The following ADGRV1 variants were observed in gnomAD, a reference collection of about 807,000 sequenced individuals.
The protein encoded by ADGRV1 is G-protein coupled receptor 98.
In ADGRV1, 359 loss-of-function variants were observed where a neutral mutation model predicts 596.2. The observed-to-expected ratio is 0.60, with a 90% CI of 0.55 to 0.66. The LOEUF (loss-of-function observed/expected upper bound fraction) is 0.66. Ranked by LOEUF, ADGRV1 falls within the 30% of genes least tolerant of loss-of-function variation. The probability of loss-of-function intolerance (pLI) is 0.00; values close to 1 mark genes in which losing one functional copy is unlikely to be tolerated. For synonymous variants in ADGRV1, 2,681 were observed against 2,679.2 expected, an observed-to-expected ratio of 1.00 and a Z score of -0.02; for missense variants, 7,274 against 7,575.6, an observed-to-expected ratio of 0.96 and a Z score of 1.48.
At chr5:90,597,100 G>A (rs1760786523) in intron 1 of ADGRV1, among the ~76,000 whole-genome samples, 1 of 152,216 alleles carries the variant, frequency 6.6e-6, no homozygotes, top group South Asian at 2.1e-4. Flanking sequence ...TGAGGGACTG[G>A]TAGGACATTT....
At chr5:90,750,920 C>T (rs889895668) in intron 53 of ADGRV1, among the ~76,000 whole-genome samples, 1 of 152,112 alleles carries the variant, frequency 6.6e-6, no homozygotes, top group Non-Finnish European at 1.5e-5. Context: ...TTTAAAAAGT[C>T]ATTCTTTCTG....
At chr5:90,948,760 A>C (rs887896562) in intron 83 of ADGRV1, among the ~76,000 whole-genome samples, 1 of 152,180 alleles carries the variant, frequency 6.6e-6, no homozygotes, top group Non-Finnish European at 1.5e-5. Context: ...TCTATTTTAT[A>C]ATAAAGTGTT....
chr5:91,063,845 G>A (rs1787655251), intron 85 of ADGRV1, among the ~76,000 whole-genome samples: 1 of 147,584 alleles, frequency 6.8e-6, no homozygotes, highest in Admixed American at 7.2e-5. Flanking sequence ...CCATAGGGGA[G>A]CTGGTGGTGG....
intron 85 of ADGRV1, among the ~76,000 whole-genome samples, chr5:91,014,136 C>CCACACACACACACACACA (rs70973720): frequency 7.0e-4 from 25 of 35,698 alleles, no homozygotes; most frequent in African/African-American, 1.4e-3. Flanking sequence ...TTCACAATTG[C>CCACACACACACACACACA]CACACACACA....
intron 85 of ADGRV1, among the ~76,000 whole-genome samples, chr5:91,042,548 T>TA (rs1414546538): frequency 9.2e-5 from 14 of 152,132 alleles, no homozygotes; most frequent in Admixed American, 2.0e-4. Flanking sequence ...CTTTTTTTTT[T>TA]ATTATACTTT....
At position 91,108,485 on chromosome 5, in the gene ADGRV1, G is replaced by T. The variant is rs148075965; in HGVS notation, c.18432+6145G>T. Among the ~76,000 whole-genome samples the T allele has an allele frequency of 2.6e-5, 4 of 152,188 alleles. No homozygotes were observed. The East Asian group carries it at 7.7e-4, about 29-fold the overall frequency. On this transcript the variant is annotated intron_variant, in intron 87 of 89. Transcript: ENST00000405460. ...TCTAAAACTATGATTGAAAGGGATGGTATTTGTATAGTATTCTGATCATTT... is the reference window on the plus strand; with the variant it reads ...TCTAAAACTATGATTGAAAGGGATGTTATTTGTATAGTATTCTGATCATTT...
At chr5:90,836,973 T>C (rs1765021305) in intron 77 of ADGRV1, among the ~76,000 whole-genome samples, 1 of 152,232 alleles carries the variant, frequency 6.6e-6, no homozygotes, top group Non-Finnish European at 1.5e-5. Context: ...ATGGATCAAG[T>C]TGTTATTCTG....
chr5:90,751,737 G>A (rs1291694380), intron 53 of ADGRV1, among the ~76,000 whole-genome samples: 1 of 152,130 alleles, frequency 6.6e-6, no homozygotes, highest in East Asian at 1.9e-4. Flanking sequence ...TCAAAAAAAG[G>A]ACAGGTATAT....
At chr5:90,822,399 G>A (rs557798641) in intron 75 of ADGRV1, among the ~76,000 whole-genome samples, 2 of 152,172 alleles carry the variant, frequency 1.3e-5, no homozygotes, top group African/African-American at 4.8e-5. Context: ...GCTGGGAGCT[G>A]TAGACCGGAG....
At chr5:90,935,974 G>A (rs1479744113) in intron 83 of ADGRV1, among the ~76,000 whole-genome samples, 1 of 152,108 alleles carries the variant, frequency 6.6e-6, no homozygotes, top group Non-Finnish European at 1.5e-5. Flanking sequence ...GAGCAACATA[G>A]CGACCACCCC....
In ADGRV1 at chr5:90,724,603, T is replaced by C. The variant is rs766789917; in HGVS notation, c.9749-229T>C. 3.6e-4 allele frequency among the ~76,000 whole-genome samples: 55 copies of C among 152,200 alleles called. 2 individuals carry two copies. The highest frequency in any genetic ancestry group is 7.2e-4 in the Non-Finnish European group (49 of 68,030). Reference sequence around the variant, plus strand: ...TAAAGCAGAGCTTTAACAAATTTTCTTGGTTTTTAAATAATAATTTAAAAA... The same window carrying C: ...TAAAGCAGAGCTTTAACAAATTTTCCTGGTTTTTAAATAATAATTTAAAAA... On this transcript the variant is annotated intron_variant, in intron 45 of 89. Transcript: ENST00000405460.
chr5:90,831,722 A>ACC (rs1192965503), intron 77 of ADGRV1, among the ~76,000 whole-genome samples: 2 of 151,934 alleles, frequency 1.3e-5, no homozygotes, highest in African/African-American at 4.8e-5. Flanking sequence ...CCTCTGCCCC[A>ACC]CCGCCACCAC....
intron 2 of ADGRV1, among the ~76,000 whole-genome samples, chr5:90,616,186 T>G (rs1050475245): frequency 6.6e-6 from 1 of 152,028 alleles, no homozygotes; most frequent in African/African-American, 2.4e-5. Context: ...AACTAGAAAT[T>G]GACTAAAATT....
At chr5:90,690,389 C>T (rs1026286330) in intron 30 of ADGRV1, among the ~76,000 whole-genome samples, 1 of 152,160 alleles carries the variant, frequency 6.6e-6, no homozygotes, top group Admixed American at 6.5e-5. Flanking sequence ...TAGAAATTTA[C>T]ACAAAAATTT....
rs79950832 is a variant in ADGRV1, at chr5:91,092,878, A to G, written c.18311-9341A>G. The stretch of plus-strand genomic sequence containing the variant: ...ACGTGACTAAACTGATGGTGGTGAG[A>G]ATTAGGATGATAGTAGCTAGTGCTT... On this transcript the variant is annotated intron_variant, in intron 86 of 89. Coordinates refer to ENST00000405460, the MANE Select transcript of ADGRV1 (RefSeq NM_032119.4). Among the ~76,000 whole-genome samples, 703 of 152,212 alleles carry G rather than the reference A, an allele frequency of 4.6e-3. 5 individuals are homozygous for G. The highest frequency in any genetic ancestry group is 0.016 in the African/African-American group (676 of 41,556).
At position 90,637,912 on chromosome 5, in the gene ADGRV1, C is replaced by T. The variant is rs537366992; in HGVS notation, c.2204C>T (p.Pro735Leu). The change falls in exon 11 of 90, where the codon CCG (proline) becomes CTG (leucine). Residue 735 changes from proline (P) to leucine (L), a missense_variant. This residue lies in a region of ADGRV1 where 1,715 missense variants were observed against 1,708.8 expected (regional missense o/e 1.00). Coordinates refer to ENST00000405460, the MANE Select transcript of ADGRV1 (RefSeq NM_032119.4). ...ATTACTATCAAAGGTGATGACATAC[C>T]GGAAATGAATGAAACTGTAACACTT... ...INITIKGDDI[P>L]EMNETVTLSL... The T allele has an allele frequency of 9.3e-6, 15 of 1,613,030 alleles. No individual in the cohort carries two copies. The highest frequency in any genetic ancestry group is 3.3e-5 in the Admixed American group (2 of 59,898).
chr5:90,666,313 A>G (rs1053577119), intron 21 of ADGRV1, among the ~76,000 whole-genome samples: 3 of 152,090 alleles, frequency 2.0e-5, no homozygotes, highest in Non-Finnish European at 4.4e-5. Flanking sequence ...TTGGGTGCAT[A>G]TATATTTAGG....
Position 90,675,335 on chromosome 5 carries a change from G to A in ADGRV1, c.5203G>A (p.Glu1735Lys). 1 of 1,613,892 alleles carries A rather than the reference G, an allele frequency of 6.2e-7. No individual in the cohort carries two copies. The highest frequency in any genetic ancestry group is 8.5e-7 in the Non-Finnish European group (1 of 1,179,856). The change falls in exon 24 of 90, where the codon GAA becomes AAA. Residue 1735 changes from glutamate (E) to lysine (K), a missense_variant. By Grantham distance (56) the Glu-to-Lys change is moderately conservative. Transcript: ENST00000405460. ...CGTTCCACATATCACTGTGGAGGAG[G>A]AAGATGGAGAAATCAGGTTATTGGT... ...SSVPHITVEE[E>K]DGEIRLLVIR...
rs1353397407 is a variant in ADGRV1 at position 90,627,487 on chromosome 5, C to T, written c.949C>T (p.Gln317Ter). The change falls in exon 7 of 90, where the codon CAG becomes TAG. Residue 317 changes from glutamine to a stop codon, truncating the protein, a stop_gained. Transcript: ENST00000405460. LOFTEE classifies it high-confidence loss of function. ...VTTGNSTAHA[Q>*]QNLDFIDLQP... Reference sequence around the variant, plus strand: ...AACTGGGAATTCCACAGCACATGCCCAGCAAAATCTGGACTTCATTGATCT... The same window carrying T: ...AACTGGGAATTCCACAGCACATGCCTAGCAAAATCTGGACTTCATTGATCT... 1 of 1,613,958 alleles carries T rather than the reference C, an allele frequency of 6.2e-7. No individual in the cohort carries two copies. The highest frequency in any genetic ancestry group is 1.1e-5 in the South Asian group (1 of 91,062).
Sources: gnomAD v4.1 joint callset for allele counts (sites outside exome capture counted in the v4.1 genomes callset) on GRCh38, gnomAD v4.1.1 for gene constraint, gnomAD v4.1.1 regional missense constraint, MANE v1.5 for transcripts, NCBI Gene and HGNC (gene_info 2026-07-23, HGNC 2026-07-21) for gene names.